The following BMP7 variants were observed in gnomAD, a reference collection of about 807,000 sequenced individuals.
BMP7 encodes the protein osteogenic protein 1.
BMP7 carries 12 observed loss-of-function variants against 41.2 expected under a neutral mutation model. That is an observed-to-expected ratio of 0.29 (90% confidence interval 0.19 to 0.47). The LOEUF is 0.47. BMP7 is among the 20% of genes least tolerant of loss of function. The pLI is 0.99. For missense variants in BMP7, 467 were observed against 606.0 expected (o/e 0.77, Z 2.41); for synonymous variants, 248 against 250.0 (o/e 0.99, Z 0.07).
intron 2 of BMP7, among the ~76,000 whole-genome samples, chr20:57,220,454 T>G (rs1251933721): frequency 6.6e-6 from 1 of 152,220 alleles, no homozygotes; most frequent in Non-Finnish European, 1.5e-5. Flanking sequence ...CAGATCCTGA[T>G]TCGAAACATA....
In BMP7 at chr20:57,183,270, T is replaced by TAA. The variant is rs537661563; in HGVS notation, c.958+450_958+451dup. 8.5e-4 allele frequency among the ~76,000 whole-genome samples: 129 copies of TAA among 152,202 alleles called. 1 individual carries two copies. Among genetic ancestry groups the TAA allele is most frequent in the African/African-American group, 3.1e-3 (127 of 41,530 alleles). On this transcript the variant is annotated intron_variant, in intron 4 of 6. Transcript: ENST00000395863. ...AAATGTGTGTGTGTGTATATATATA[T>TAA]AATATTTATCAAGTATTAAAGTTTG...
At chr20:57,242,567 C>T (rs2066073946) in intron 1 of BMP7, among the ~76,000 whole-genome samples, 1 of 152,204 alleles carries the variant, frequency 6.6e-6, no homozygotes, top group African/African-American at 2.4e-5. Context: ...GGGGTTCACC[C>T]TAACACCTCG....
chr20:57,265,111 G>C (rs1048875099), intron 1 of BMP7, among the ~76,000 whole-genome samples: 1 of 151,900 alleles, frequency 6.6e-6, no homozygotes, highest in Non-Finnish European at 1.5e-5. Context: ...AAGAAAATTA[G>C]CAATGGCACC....
chr20:57,223,213 C>T (rs1385030227), intron 2 of BMP7, among the ~76,000 whole-genome samples: 1 of 142,988 alleles, frequency 7.0e-6, no homozygotes, highest in Non-Finnish European at 1.5e-5. Flanking sequence ...CTGGGCAACA[C>T]AGTGAGACTC....
At chr20:57,204,881 G>A (rs1204575100) in intron 2 of BMP7, among the ~76,000 whole-genome samples, 1 of 152,204 alleles carries the variant, frequency 6.6e-6, no homozygotes, top group Non-Finnish European at 1.5e-5. Flanking sequence ...GACTCATGTT[G>A]AAAATCCCCA....
At chr20:57,217,302 C>T (rs776121501) in intron 2 of BMP7, among the ~76,000 whole-genome samples, 29 of 152,178 alleles carry the variant, frequency 1.9e-4, no homozygotes, top group Non-Finnish European at 4.0e-4. Context: ...ACCTCAAGTG[C>T]CATCTTTAAA....
chr20:57,249,403 A>G (rs2066103359), intron 1 of BMP7, among the ~76,000 whole-genome samples: 1 of 152,102 alleles, frequency 6.6e-6, no homozygotes, highest in Non-Finnish European at 1.5e-5. Flanking sequence ...AAACTGGGAG[A>G]AGGAACTCAG....
At chr20:57,173,918 C>T (rs1255176125) in intron 5 of BMP7, among the ~76,000 whole-genome samples, 2 of 152,190 alleles carry the variant, frequency 1.3e-5, no homozygotes, top group African/African-American at 4.8e-5. Flanking sequence ...GATCCATGTG[C>T]CATCCTTGCC....
At chr20:57,230,897 T>A (rs1170714173) in intron 1 of BMP7, among the ~76,000 whole-genome samples, 2 of 151,910 alleles carry the variant, frequency 1.3e-5, no homozygotes, top group Non-Finnish European at 2.9e-5. Flanking sequence ...CAGGATGGTC[T>A]CAATCTCCTG....
chr20:57,212,798 C>T (rs1395519722), intron 2 of BMP7, among the ~76,000 whole-genome samples: 1 of 152,188 alleles, frequency 6.6e-6, no homozygotes, highest in Non-Finnish European at 1.5e-5. Flanking sequence ...AGAAGGAAGC[C>T]GGCCCCACCC....
At chr20:57,238,231 G>A (rs1012110590) in intron 1 of BMP7, among the ~76,000 whole-genome samples, 30 of 152,168 alleles carry the variant, frequency 2.0e-4, no homozygotes, top group Non-Finnish European at 2.5e-4. Flanking sequence ...TTTTGTGACC[G>A]GCTTATTTCA....
chr20:57,219,198 CTGGTGTT>C (rs1466197801), intron 2 of BMP7, among the ~76,000 whole-genome samples: 2 of 140,312 alleles, frequency 1.4e-5, no homozygotes, highest in Admixed American at 6.7e-5. Context: ...TCAGTGGTAG[CTGGTGTT>C]TGTTCGGTGG....
chr20:57,203,877 T>C (rs1984676454), intron 2 of BMP7, among the ~76,000 whole-genome samples: 1 of 152,256 alleles, frequency 6.6e-6, no homozygotes, highest in Non-Finnish European at 1.5e-5. Context: ...CACGTAAAGA[T>C]GTCAGGCATA....
In BMP7 at chr20:57,170,886, T is replaced by C. The variant is rs180918011; in HGVS notation, c.*73A>G. 3.0e-5 allele frequency: 47 copies of C among 1,586,190 alleles called. No homozygotes were observed. In the East Asian group the frequency reaches 8.8e-4, roughly 30 times the overall value. ...GTCTCACAAAAGGCAGTTGGTCTGC[T>C]GGTTCCTGGCCAAGGCGAGCAATGG... On this transcript the variant is annotated 3_prime_UTR_variant, in exon 7 of 7. Coordinates refer to ENST00000395863, the MANE Select transcript of BMP7 (RefSeq NM_001719.3).
At chr20:57,246,040 G>A (rs1366014521) in intron 1 of BMP7, among the ~76,000 whole-genome samples, 3 of 152,138 alleles carry the variant, frequency 2.0e-5, no homozygotes, top group South Asian at 2.1e-4. Context: ...AATAGTTACC[G>A]CTGGGTACAA....
intron 1 of BMP7, among the ~76,000 whole-genome samples, chr20:57,265,317 G>A (rs2066171797): frequency 6.6e-6 from 1 of 152,228 alleles, no homozygotes; most frequent in African/African-American, 2.4e-5. Context: ...CAGGAAGGGC[G>A]GCAAGGCAGC....
In BMP7 at chr20:57,195,446, C is replaced by T. The variant is rs182361653; in HGVS notation, c.760+7029G>A. ...CTGCCTGGCCCCAATTACCCAATTC[C>T]GCCCTCCCCATTCTTGCCGTCCCAG... On this transcript the variant is annotated intron_variant, in intron 3 of 6. Coordinates refer to ENST00000395863, the MANE Select transcript of BMP7 (RefSeq NM_001719.3). 4.2e-3 allele frequency among the ~76,000 whole-genome samples: 634 copies of T among 152,310 alleles called. 8 individuals are homozygous for T. The highest frequency in any genetic ancestry group is 0.014 in the African/African-American group (599 of 41,566).
At chr20:57,240,351 CTCTA>C (rs1381334124) in intron 1 of BMP7, among the ~76,000 whole-genome samples, 2 of 152,350 alleles carry the variant, frequency 1.3e-5, no homozygotes, top group East Asian at 3.9e-4. Context: ...AGTTCCTTAT[CTCTA>C]TCTGAGACCA....
rs536749055 is a variant in BMP7 at position 57,182,280 on chromosome 20, G to C, written c.958+1442C>G. ...CTGTCCACAGATGCCCACAGTGCCA[G>C]CAGGTCTGCTCCAGGCCAGCCCACC... is the stretch of plus-strand genomic sequence containing the variant. On this transcript the variant is annotated intron_variant, in intron 4 of 6. Coordinates refer to ENST00000395863, the MANE Select transcript of BMP7 (RefSeq NM_001719.3). Among the ~76,000 whole-genome samples the C allele has an allele frequency of 3.2e-4, 48 of 152,276 alleles. No homozygotes were observed. In the South Asian group the frequency reaches 9.3e-3, roughly 30 times the overall value.
Sources: gnomAD v4.1 joint callset for allele counts (sites outside exome capture counted in the v4.1 genomes callset) on GRCh38, gnomAD v4.1.1 for gene constraint, MANE v1.5 for transcripts, NCBI Gene and HGNC (gene_info 2026-07-23, HGNC 2026-07-21) for gene names.